Variants in THSD4 observed in about 807,000 individuals in gnomAD.
The protein encoded by THSD4 is thrombospondin type 1 domain containing 4.
Under a neutral mutation model 119.0 loss-of-function variants are expected in THSD4, and 69 were observed. The ratio of observed to expected loss-of-function variants is 0.58; its 90% CI spans 0.48 to 0.71. The LOEUF (loss-of-function observed/expected upper bound fraction) is 0.71. THSD4 is among the 30% of genes least tolerant of loss of function. The pLI, the probability that THSD4 is intolerant of heterozygous loss-of-function variation, is 0.00. For synonymous variants in THSD4, 524 were observed against 540.4 expected (o/e 0.97, Z 0.42); for missense variants, 1,393 against 1,391.1 (o/e 1.00, Z -0.02).
At chr15:71,387,418 CA>C (rs2046309126) in intron 6 of THSD4, among the ~76,000 whole-genome samples, 2 of 152,142 alleles carry the variant, frequency 1.3e-5, no homozygotes, top group South Asian at 4.1e-4. Flanking sequence ...TAAAGGGTAT[CA>C]TTTTTTTATA....
intron 10 of THSD4, among the ~76,000 whole-genome samples, chr15:71,736,223 GTC>G (rs1209685076): frequency 7.9e-6 from 1 of 126,832 alleles, no homozygotes; most frequent in Non-Finnish European, 1.7e-5. Context: ...TGCTGTCTCT[GTC>G]TCTCTCTTGC....
chr15:71,280,076 T>A (rs1410802443), intron 6 of THSD4, among the ~76,000 whole-genome samples: 3 of 152,300 alleles, frequency 2.0e-5, no homozygotes, highest in African/African-American at 7.2e-5. Context: ...ATCCTCCAGG[T>A]AGAGCTTCCA....
intron 16 of THSD4, chr15:71,767,647 CTGAATT>C (rs2053737104): frequency 6.6e-6 from 1 of 152,184 alleles, no homozygotes; most frequent in Non-Finnish European, 1.5e-5. Flanking sequence ...GCCTGTTGTC[CTGAATT>C]TGAATTGGAA....
At chr15:71,201,243 A>G (rs2043801336) in intron 3 of THSD4, among the ~76,000 whole-genome samples, 1 of 152,172 alleles carries the variant, frequency 6.6e-6, no homozygotes, top group South Asian at 2.1e-4. Context: ...GGCTTTCATA[A>G]TGGTACTTCT....
At chr15:71,380,154 T>C (rs1402204923) in intron 6 of THSD4, among the ~76,000 whole-genome samples, 2 of 152,158 alleles carry the variant, frequency 1.3e-5, no homozygotes, top group East Asian at 1.9e-4. Flanking sequence ...GTTGCAGTTA[T>C]GTAAGGACTC....
intron 11 of THSD4, among the ~76,000 whole-genome samples, chr15:71,740,853 G>A (rs557899599): frequency 6.6e-6 from 1 of 152,240 alleles, no homozygotes; most frequent in African/African-American, 2.4e-5. Flanking sequence ...CTTCTGCAAA[G>A]CCTTCCTGAT....
chr15:71,294,584 C>G (rs779584878), intron 6 of THSD4, among the ~76,000 whole-genome samples: 2 of 152,112 alleles, frequency 1.3e-5, no homozygotes, highest in Non-Finnish European at 2.9e-5. Flanking sequence ...CTGTGAGTGT[C>G]AAAGCTGCCA....
intron 6 of THSD4, among the ~76,000 whole-genome samples, chr15:71,374,560 G>A (rs142573230): frequency 6.6e-6 from 1 of 152,270 alleles, no homozygotes; most frequent in East Asian, 1.9e-4. Flanking sequence ...TACCAGTTCT[G>A]CTGTTAGAAA....
In THSD4 at chr15:71,233,981, T is replaced by C. The variant is rs184091281; in HGVS notation, c.465-8668T>C. Among the ~76,000 whole-genome samples the C allele has an allele frequency of 1.7e-3, 257 of 152,332 alleles. 2 individuals are homozygous for C. The highest frequency in any genetic ancestry group is 1.1e-3 in the Non-Finnish European group (73 of 68,036). On this transcript the variant is annotated intron_variant, in intron 4 of 17. Transcript: ENST00000261862. The stretch of plus-strand genomic sequence containing the variant: ...TGCAGGCTTGGCAAAGGAAGCAAGC[T>C]GTCGGCTGTGCTTCAAGCTGTTGGC...
intron 7 of THSD4, among the ~76,000 whole-genome samples, chr15:71,463,099 T>C (rs1379564446): frequency 2.0e-5 from 3 of 152,218 alleles, no homozygotes; most frequent in Non-Finnish European, 2.9e-5. Context: ...ATTCATGTCG[T>C]TGGTTTTTTG....
intron 7 of THSD4, among the ~76,000 whole-genome samples, chr15:71,620,151 A>G (rs1223430936): frequency 6.6e-6 from 1 of 152,208 alleles, no homozygotes; most frequent in East Asian, 1.9e-4. Flanking sequence ...TAGCTCAGCC[A>G]CTTTAGTACC....
intron 8 of THSD4, among the ~76,000 whole-genome samples, chr15:71,689,720 C>A (rs1178252892): frequency 6.6e-6 from 1 of 152,054 alleles, no homozygotes; most frequent in Non-Finnish European, 1.5e-5. Context: ...GATACCATCA[C>A]CCTCATTGAG....
At chr15:71,558,663 G>T (rs891885737) in intron 7 of THSD4, among the ~76,000 whole-genome samples, 1 of 152,008 alleles carries the variant, frequency 6.6e-6, no homozygotes, top group Non-Finnish European at 1.5e-5. Context: ...TAGAGATGGG[G>T]TCTTTCTATG....
chr15:71,256,186 G>C (rs2044314120), intron 5 of THSD4, among the ~76,000 whole-genome samples: 1 of 152,110 alleles, frequency 6.6e-6, no homozygotes, highest in African/African-American at 2.4e-5. Flanking sequence ...ATTTAAAGTT[G>C]GAAAGGGGCC....
intron 7 of THSD4, among the ~76,000 whole-genome samples, chr15:71,595,355 G>C (rs977481566): frequency 3.3e-5 from 5 of 152,146 alleles, no homozygotes; most frequent in Non-Finnish European, 7.3e-5. Flanking sequence ...GATGGGGGCT[G>C]GCCTTTTCCG....
chr15:71,149,622 C>A (rs1416986218), intron 2 of THSD4, among the ~76,000 whole-genome samples: 1 of 152,106 alleles, frequency 6.6e-6, no homozygotes, highest in African/African-American at 2.4e-5. Flanking sequence ...CTCTCTTTTG[C>A]TAAGGTCGAT....
intron 6 of THSD4, among the ~76,000 whole-genome samples, chr15:71,351,209 C>T (rs2045739945): frequency 6.6e-6 from 1 of 152,128 alleles, no homozygotes; most frequent in African/African-American, 2.4e-5. Context: ...ATGAGCACTG[C>T]AAGAGGTTTT....
chr15:71,683,293 A>G (rs1025266950), intron 8 of THSD4, among the ~76,000 whole-genome samples: 1 of 151,692 alleles, frequency 6.6e-6, no homozygotes, highest in African/African-American at 2.4e-5. Flanking sequence ...CCATTTTGTC[A>G]TATGTAAGGA....
intron 1 of THSD4, among the ~76,000 whole-genome samples, chr15:71,134,295 C>A (rs1216800106): frequency 6.6e-6 from 1 of 152,246 alleles, no homozygotes; most frequent in Non-Finnish European, 1.5e-5. Flanking sequence ...TCCCTGAATA[C>A]TTCTGGCCTG....
Sources: allele counts gnomAD v4.1 joint callset (sites outside exome capture counted in the v4.1 genomes callset), GRCh38; gene constraint gnomAD v4.1.1; transcripts MANE v1.5; gene names NCBI Gene and HGNC (gene_info 2026-07-23, HGNC 2026-07-21).